UVRAG: variants seen among roughly 807,000 people sequenced by gnomAD.
UVRAG encodes the protein UV radiation resistance associated, also known as UV radiation resistance-associated gene protein.
UVRAG carries 19 observed loss-of-function variants against 78.0 expected under a neutral mutation model. The ratio of observed to expected loss-of-function variants is 0.24; its 90% CI spans 0.17 to 0.36. The LOEUF is 0.36. UVRAG is among the 10% of genes least tolerant of loss of function. UVRAG has a pLI of 1.00. For synonymous variants in UVRAG, 323 were observed against 324.6 expected, an observed-to-expected ratio of 1.00 and a Z score of 0.05; for missense variants, 740 against 853.8, an observed-to-expected ratio of 0.87 and a Z score of 1.66.
At chr11:75,904,664 A>G (rs544598623) in intron 5 of UVRAG, among the ~76,000 whole-genome samples, 1 of 152,174 alleles carries the variant, frequency 6.6e-6, no homozygotes, top group Non-Finnish European at 1.5e-5. Context: ...GCCAGACTGC[A>G]TGGCTCTTCT....
intron 1 of UVRAG, among the ~76,000 whole-genome samples, chr11:75,822,454 A>G (rs1399473581): frequency 2.6e-5 from 4 of 152,112 alleles, no homozygotes; most frequent in African/African-American, 4.8e-5. Flanking sequence ...TTCTGCCACA[A>G]TCTCCTTAGA....
chr11:75,858,479 A>G (rs1025527819), intron 2 of UVRAG, among the ~76,000 whole-genome samples: 7 of 152,198 alleles, frequency 4.6e-5, no homozygotes, highest in Non-Finnish European at 1.0e-4. Flanking sequence ...TTTGCATTGA[A>G]TAGATACACC....
intron 12 of UVRAG, among the ~76,000 whole-genome samples, chr11:76,044,026 G>A (rs1309438027): frequency 2.0e-5 from 3 of 152,194 alleles, no homozygotes; most frequent in Non-Finnish European, 4.4e-5. Flanking sequence ...CAGGGCTGGA[G>A]TGGCAGTTCC....
At chr11:75,997,907 T>C (rs963447380) in intron 8 of UVRAG, among the ~76,000 whole-genome samples, 7 of 152,212 alleles carry the variant, frequency 4.6e-5, no homozygotes, top group African/African-American at 1.7e-4. Flanking sequence ...TAACATTTGC[T>C]GTAGCTGCTT....
chr11:75,912,078 CT>C lies in UVRAG; in HGVS notation c.593+42del, dbSNP rs1229658504. The C allele has an allele frequency of 4.9e-6, 7 of 1,421,066 alleles. No individual in the cohort carries two copies. The Admixed American group carries it at 1.2e-4, about 25-fold the overall frequency. 88.0% of individuals were successfully genotyped at this position (1,421,066 alleles called of 1,614,324 possible). A position where few individuals can be genotyped will look rare whatever the true frequency, so the allele number is the denominator to read the frequency against. On this transcript the variant is annotated intron_variant, in intron 6 of 14. Coordinates refer to ENST00000356136, the MANE Select transcript of UVRAG (RefSeq NM_003369.4). ...TAGATTGCCCTGAATTCTAAAGAAT[CT>C]TTCTCATTTTGAGTTTGTGACATTT...
intron 11 of UVRAG, among the ~76,000 whole-genome samples, chr11:76,010,077 C>T (rs1355671933): frequency 6.6e-6 from 1 of 152,170 alleles, no homozygotes; most frequent in Non-Finnish European, 1.5e-5. Flanking sequence ...AGTGCTCCCT[C>T]AGATATCTGT....
At chr11:75,945,093 T>C (rs1565392564) in intron 6 of UVRAG, among the ~76,000 whole-genome samples, 1 of 152,164 alleles carries the variant, frequency 6.6e-6, no homozygotes, top group Non-Finnish European at 1.5e-5. Flanking sequence ...ACGCTTGATA[T>C]ACATCTAAAA....
chr11:75,914,361 C>T (rs1229919225), intron 6 of UVRAG: 4 of 152,168 alleles, frequency 2.6e-5, no homozygotes, highest in African/African-American at 9.7e-5. Context: ...TTTCCTGATG[C>T]TTTCTTGGTT....
chr11:75,866,376 T>TAAATAAATAAATA (rs1555077120), intron 3 of UVRAG, among the ~76,000 whole-genome samples: 8 of 150,238 alleles, frequency 5.3e-5, no homozygotes, highest in Non-Finnish European at 7.4e-5. Context: ...AATAAATAAA[T>TAAATAAATAAATA]AAATAAAATA....
At chr11:75,939,420 G>T (rs1466698365) in intron 6 of UVRAG, among the ~76,000 whole-genome samples, 1 of 152,156 alleles carries the variant, frequency 6.6e-6, no homozygotes, top group Non-Finnish European at 1.5e-5. Context: ...AGAGCTTAGA[G>T]TTACATAATA....
At chr11:76,048,948 A>G (rs558783934) in intron 12 of UVRAG, among the ~76,000 whole-genome samples, 13 of 152,392 alleles carry the variant, frequency 8.5e-5, no homozygotes, top group African/African-American at 2.9e-4. Flanking sequence ...GGCAGCAGGC[A>G]TAAGCCGAGG....
intron 8 of UVRAG, among the ~76,000 whole-genome samples, chr11:75,991,322 A>G (rs1436754519): frequency 6.6e-6 from 1 of 152,196 alleles, no homozygotes; most frequent in Non-Finnish European, 1.5e-5. Flanking sequence ...TCTGTGGCAT[A>G]TATTTCTGCA....
chr11:75,883,068 A>G (rs1946987173), intron 4 of UVRAG, among the ~76,000 whole-genome samples: 1 of 152,156 alleles, frequency 6.6e-6, no homozygotes, highest in African/African-American at 2.4e-5. Flanking sequence ...ATCTTCCCAC[A>G]TACCATACTT....
At chr11:75,980,976 G>GT (rs1949380111) in intron 7 of UVRAG, among the ~76,000 whole-genome samples, 3 of 151,958 alleles carry the variant, frequency 2.0e-5, no homozygotes, top group Admixed American at 2.0e-4. Flanking sequence ...CCTGGCTAGA[G>GT]TTTTATCAAT....
Position 75,901,891 on chromosome 11 carries a change from C to G in UVRAG, c.508-10063C>G, listed in dbSNP as rs1038294819. Among the ~76,000 whole-genome samples, 4 of 152,120 alleles carry G rather than the reference C, an allele frequency of 2.6e-5. No homozygotes were observed. In the South Asian group the frequency reaches 8.3e-4, roughly 32 times the overall value. ...AGGAAGGTTTTTCTGTGATATACCT[C>G]TTAAGTCCAGTGTGGATAGATCCCT... is the stretch of plus-strand genomic sequence containing the variant. On this transcript the variant is annotated intron_variant, in intron 5 of 14. Coordinates refer to ENST00000356136, the MANE Select transcript of UVRAG (RefSeq NM_003369.4).
intron 14 of UVRAG, among the ~76,000 whole-genome samples, chr11:76,126,905 TCA>T (rs150291432): frequency 0.056 from 8,600 of 152,232 alleles, 365 homozygotes; most frequent in East Asian, 0.22. Flanking sequence ...GCCCTTCCCT[TCA>T]TTTCTTGCTC....
At chr11:75,850,384 A>G (rs1395940568) in intron 1 of UVRAG, among the ~76,000 whole-genome samples, 1 of 152,210 alleles carries the variant, frequency 6.6e-6, no homozygotes, top group Non-Finnish European at 1.5e-5. Flanking sequence ...GAGGTCTACC[A>G]TCAGCAAATG....
At chr11:76,115,790 G>T in intron 13 of UVRAG, 134 bp from the exon 14 acceptor site, 1 of 762,854 alleles carries the variant, frequency 1.3e-6, no homozygotes, top group Non-Finnish European at 2.1e-6. Context: ...GGAAAGTACT[G>T]TGAGGCTGAT....
intron 3 of UVRAG, among the ~76,000 whole-genome samples, chr11:75,863,334 AGT>A (rs762475887): frequency 1.4e-4 from 21 of 152,246 alleles, no homozygotes; most frequent in Non-Finnish European, 2.5e-4. Context: ...AAACAGAAAT[AGT>A]TTGCAGACAG....
Sources: gnomAD v4.1 joint callset for allele counts (sites outside exome capture counted in the v4.1 genomes callset) on GRCh38, gnomAD v4.1.1 for gene constraint, MANE v1.5 for transcripts, NCBI Gene and HGNC (gene_info 2026-07-23, HGNC 2026-07-21) for gene names.